The following TMCC1 variants were observed in gnomAD, a reference collection of about 807,000 sequenced individuals.
The protein encoded by TMCC1 is transmembrane and coiled-coil domains protein 1.
Under a neutral mutation model 52.4 loss-of-function variants are expected in TMCC1, and 15 were observed. The observed-to-expected ratio is 0.29, with a 90% CI of 0.19 to 0.44. TMCC1 has a LOEUF of 0.44. Ranked by LOEUF, TMCC1 falls within the 20% of genes least tolerant of loss-of-function variation. The pLI is 1.00. For synonymous variants in TMCC1, 279 were observed against 301.9 expected, an observed-to-expected ratio of 0.92 and a Z score of 0.79; for missense variants, 503 against 806.0, an observed-to-expected ratio of 0.62 and a Z score of 4.55.
chr3:129,890,610 C>T (rs2061923210), intron 1 of TMCC1, among the ~76,000 whole-genome samples: 1 of 152,156 alleles, frequency 6.6e-6, no homozygotes, highest in African/African-American at 2.4e-5. Context: ...TATACCATCC[C>T]CCACTCTCTG....
chr3:129,818,550 T>C lies in TMCC1; in HGVS notation c.576+9253A>G, dbSNP rs57435485. 6.0e-3 allele frequency among the ~76,000 whole-genome samples: 8 copies of C among 1,338 alleles called. 1 individual carries two copies. Among genetic ancestry groups the C allele is most frequent in the Non-Finnish European group, 0.011 (4 of 356 alleles). The allele number at this position is 1,338 out of a possible 152,430, so 0.9% of individuals were successfully genotyped here. A position where few individuals can be genotyped will look rare whatever the true frequency, so the allele number is the denominator to read the frequency against. On this transcript the variant is annotated intron_variant, in intron 4 of 6. Transcript: ENST00000393238. Reference sequence around the variant, plus strand: ...TAAAGAAACTTTTAAAGAAAAGTTTTAAAGAAACTTTTAAAGAAAAGTTTT... The same window carrying C: ...TAAAGAAACTTTTAAAGAAAAGTTTCAAAGAAACTTTTAAAGAAAAGTTTT...
chr3:129,809,004 C>T (rs894540553), intron 4 of TMCC1, among the ~76,000 whole-genome samples: 3 of 150,922 alleles, frequency 2.0e-5, no homozygotes, highest in African/African-American at 4.9e-5. Flanking sequence ...TGGCTCACAC[C>T]TGTAATCCCA....
intron 2 of TMCC1, among the ~76,000 whole-genome samples, chr3:129,852,516 G>C (rs1298527939): frequency 6.8e-6 from 1 of 146,658 alleles, no homozygotes; most frequent in Non-Finnish European, 1.5e-5. Flanking sequence ...CAACGAAGAT[G>C]AACCTTTAGA....
chr3:129,650,848 C>G lies in TMCC1; in HGVS notation c.*633G>C, dbSNP rs1016406821. ...ACTGTAGTAGGACTGTGCAGTGATC[C>G]TTTGGGGGATGATGCTTTCACTTTT... is the stretch of plus-strand genomic sequence containing the variant. On this transcript the variant is annotated 3_prime_UTR_variant, in exon 7 of 7. Coordinates refer to ENST00000393238, the MANE Select transcript of TMCC1 (RefSeq NM_001017395.5). The G allele has an allele frequency of 6.5e-6, 1 of 153,622 alleles. No homozygotes were observed. The highest frequency in any genetic ancestry group is 1.5e-5 in the Non-Finnish European group (1 of 68,766). 9.5% of individuals were successfully genotyped at this position (153,622 alleles called of 1,614,324 possible). A position where few individuals can be genotyped will look rare whatever the true frequency, so the allele number is the denominator to read the frequency against.
chr3:129,807,745 C>A (rs149289646), intron 4 of TMCC1, among the ~76,000 whole-genome samples: 1 of 151,996 alleles, frequency 6.6e-6, no homozygotes, highest in African/African-American at 2.4e-5. Flanking sequence ...CAGTACTCAG[C>A]CAAACTACCA....
intron 5 of TMCC1, among the ~76,000 whole-genome samples, chr3:129,656,150 C>T (rs1483974803): frequency 1.3e-5 from 2 of 152,088 alleles, no homozygotes; most frequent in African/African-American, 2.4e-5. Flanking sequence ...TGAAGAAGAC[C>T]GACTGAGGTA....
At chr3:129,683,916 AG>A (rs2089208306) in intron 4 of TMCC1, among the ~76,000 whole-genome samples, 1 of 152,236 alleles carries the variant, frequency 6.6e-6, no homozygotes, top group Non-Finnish European at 1.5e-5. Flanking sequence ...GGGATACTCC[AG>A]GGTGTTATCT....
intron 2 of TMCC1, among the ~76,000 whole-genome samples, chr3:129,841,316 G>T (rs2059413336): frequency 6.6e-6 from 1 of 152,248 alleles, no homozygotes; most frequent in South Asian, 2.1e-4. Flanking sequence ...GCCGGGGACA[G>T]TGGCTCATGC....
In TMCC1 at chr3:129,749,132, A is replaced by T. The variant is rs373391206; in HGVS notation, c.577-77868T>A. 1.6e-3 allele frequency among the ~76,000 whole-genome samples: 247 copies of T among 151,850 alleles called. 1 individual carries two copies. The highest frequency in any genetic ancestry group is 6.8e-3 in the Middle Eastern group (2 of 292). ...CCCCTCAACCACCCCCCACCAAAAA[A>T]AATAATAATAATAATTACCCTACTT... is the stretch of plus-strand genomic sequence containing the variant. On this transcript the variant is annotated intron_variant, in intron 4 of 6. Transcript: ENST00000393238.
rs189307112 is a variant in TMCC1, at chr3:129,647,858, C to A, written c.*3623G>T. On this transcript the variant is annotated 3_prime_UTR_variant, in exon 7 of 7. Coordinates refer to ENST00000393238, the MANE Select transcript of TMCC1 (RefSeq NM_001017395.5). ...AAGTGCTGCTGAGAATCTGCAGCGA[C>A]CAGACAGAACATAAATTTAAATCTC... 9.8e-5 allele frequency: 15 copies of A among 152,744 alleles called. No homozygotes were observed. Among genetic ancestry groups the A allele is most frequent in the Middle Eastern group, 6.8e-3 (2 of 294 alleles). The allele number at this position is 152,744 out of a possible 1,614,324, so 9.5% of individuals were successfully genotyped here. A position where few individuals can be genotyped will look rare whatever the true frequency, so the allele number is the denominator to read the frequency against.
At chr3:129,735,613 C>G (rs549522218) in intron 4 of TMCC1, among the ~76,000 whole-genome samples, 1 of 146,258 alleles carries the variant, frequency 6.8e-6, no homozygotes, top group African/African-American at 2.5e-5. Flanking sequence ...TGTGCCACTG[C>G]ACTCCAGCCT....
chr3:129,789,675 T>A (rs927743201), intron 4 of TMCC1, among the ~76,000 whole-genome samples: 1 of 152,086 alleles, frequency 6.6e-6, no homozygotes, highest in African/African-American at 2.4e-5. Flanking sequence ...AGAGACGGGG[T>A]TTCACCGTGT....
In TMCC1 at chr3:129,828,402, G is replaced by C. The variant is rs1213325185; in HGVS notation, c.-24C>G. 2 of 1,592,210 alleles carry C rather than the reference G, an allele frequency of 1.3e-6. No homozygotes were observed. The highest frequency in any genetic ancestry group is 2.3e-5 in the South Asian group (2 of 88,442). On this transcript the variant is annotated 5_prime_UTR_variant, in exon 4 of 7. Coordinates refer to ENST00000393238, the MANE Select transcript of TMCC1 (RefSeq NM_001017395.5). This position sits in a 1 kb window ranked among gnomAD's most constrained non-coding sequence, Gnocchi z 4.1. ...ATCAGTAGACTTAATATGCTTATTT[G>C]CAAACTCAAAAAAATTTTTTAAACA...
intron 2 of TMCC1, among the ~76,000 whole-genome samples, chr3:129,853,243 C>T (rs2059996688): frequency 6.6e-6 from 1 of 152,002 alleles, no homozygotes; most frequent in African/African-American, 2.4e-5. Flanking sequence ...AGTACATAAA[C>T]AAATACAAAA....
intron 1 of TMCC1, among the ~76,000 whole-genome samples, chr3:129,883,725 T>C (rs1474392937): frequency 6.6e-6 from 1 of 152,110 alleles, no homozygotes; most frequent in Non-Finnish European, 1.5e-5. Context: ...ACACTTGTAA[T>C]CCCAACACTT....
intron 4 of TMCC1, among the ~76,000 whole-genome samples, chr3:129,723,372 T>C (rs1393140464): frequency 2.0e-5 from 3 of 148,110 alleles, no homozygotes; most frequent in Admixed American, 6.7e-5. Context: ...TTTTTTTTTT[T>C]TTTTTTTGGC....
chr3:129,753,484 C>T (rs186116732), intron 4 of TMCC1, among the ~76,000 whole-genome samples: 62 of 152,204 alleles, frequency 4.1e-4, no homozygotes, highest in Admixed American at 2.9e-3. Context: ...ATATATAAAA[C>T]GGATAATTAA....
intron 2 of TMCC1, among the ~76,000 whole-genome samples, chr3:129,845,863 C>T (rs977443111): frequency 3.3e-5 from 5 of 151,904 alleles, no homozygotes; most frequent in African/African-American, 1.2e-4. Flanking sequence ...GAGACCCTGT[C>T]TCTACAAAAA....
chr3:129,698,199 T>C (rs2047551866), intron 4 of TMCC1, among the ~76,000 whole-genome samples: 1 of 152,128 alleles, frequency 6.6e-6, no homozygotes, highest in Admixed American at 6.5e-5. Flanking sequence ...TAGTTCCACA[T>C]GGCTGGGGAG....
Sources: gnomAD v4.1 joint callset for allele counts (sites outside exome capture counted in the v4.1 genomes callset) on GRCh38, gnomAD v4.1.1 for gene constraint, Gnocchi (gnomAD v3.1) non-coding constraint, MANE v1.5 for transcripts, NCBI Gene and HGNC (gene_info 2026-07-23, HGNC 2026-07-21) for gene names.